The following SMYD3 variants were observed in gnomAD, a reference collection of about 807,000 sequenced individuals.
SMYD3 encodes the protein histone-lysine N-methyltransferase SMYD3.
A neutral mutation model predicts 57.7 loss-of-function variants in SMYD3; 36 were observed. The observed-to-expected ratio is 0.62, with a 90% CI of 0.48 to 0.82. SMYD3 has a LOEUF of 0.82. Among genes scored for constraint, SMYD3 ranks in the 40% least tolerant of loss-of-function variants. The probability of loss-of-function intolerance (pLI) is 0.00; values close to 1 mark genes in which losing one functional copy is unlikely to be tolerated. For missense variants in SMYD3, 515 were observed against 538.8 expected (o/e 0.96, Z 0.44); for synonymous variants, 211 against 195.0 (o/e 1.08, Z -0.68).
chr1:246,265,746 T>C (rs2064094192), intron 5 of SMYD3, among the ~76,000 whole-genome samples: 1 of 152,234 alleles, frequency 6.6e-6, no homozygotes, highest in South Asian at 2.1e-4. Flanking sequence ...TGTATGAGCC[T>C]TCTCCTGTGA....
At chr1:246,425,612 G>C (rs150452717) in intron 1 of SMYD3, among the ~76,000 whole-genome samples, 14 of 152,286 alleles carry the variant, frequency 9.2e-5, no homozygotes, top group African/African-American at 2.6e-4. Flanking sequence ...AGATAACTAT[G>C]AGGTAGATTC....
At chr1:245,927,679 T>C (rs997965498) in intron 7 of SMYD3, among the ~76,000 whole-genome samples, 1 of 152,134 alleles carries the variant, frequency 6.6e-6, no homozygotes, top group Non-Finnish European at 1.5e-5. Flanking sequence ...CTCCTCTCTC[T>C]CTCACACACA....
intron 5 of SMYD3, among the ~76,000 whole-genome samples, chr1:246,128,357 G>C (rs1038995031): frequency 4.6e-5 from 7 of 152,188 alleles, no homozygotes; most frequent in Non-Finnish European, 8.8e-5. Context: ...TCTATGAGGG[G>C]AGGAACTGTT....
chr1:246,031,134 T>C (rs1377980391), intron 5 of SMYD3, among the ~76,000 whole-genome samples: 1 of 152,172 alleles, frequency 6.6e-6, no homozygotes, highest in East Asian at 1.9e-4. Flanking sequence ...GACTAGACCT[T>C]TTATCTGTAT....
At chr1:246,434,938 G>T (rs1000612546) in intron 1 of SMYD3, among the ~76,000 whole-genome samples, 2 of 152,090 alleles carry the variant, frequency 1.3e-5, no homozygotes, top group Admixed American at 1.3e-4. Context: ...AAAACATGGG[G>T]TGTGTGTGGA....
intron 1 of SMYD3, among the ~76,000 whole-genome samples, chr1:246,361,311 A>T (rs2065983240): frequency 6.6e-6 from 1 of 152,210 alleles, no homozygotes; most frequent in African/African-American, 2.4e-5. Context: ...ACGTAGGCAC[A>T]GATGCAGTGA....
intron 5 of SMYD3, among the ~76,000 whole-genome samples, chr1:246,234,532 C>T (rs547851912): frequency 7.0e-4 from 107 of 152,232 alleles, no homozygotes; most frequent in Non-Finnish European, 1.3e-3. Flanking sequence ...GAATATACAC[C>T]GTATAGAGGA....
In SMYD3 at chr1:245,858,487, G is replaced by C; in HGVS notation, c.1076+9C>G. ...TAGCCCTTATGTCAGCCCTCTCCCT[G>C]GGACTTGCCTGTATGGCTCCATGGT... On this transcript the variant is annotated intron_variant, in intron 10 of 11. Transcript: ENST00000490107. 1 of 1,611,186 alleles carries C rather than the reference G, an allele frequency of 6.2e-7. No individual in the cohort carries two copies. Among genetic ancestry groups the C allele is most frequent in the Middle Eastern group, 1.7e-4 (1 of 5,902 alleles).
intron 5 of SMYD3, among the ~76,000 whole-genome samples, chr1:246,215,849 G>A (rs1465636955): frequency 1.3e-5 from 2 of 152,156 alleles, no homozygotes; most frequent in Non-Finnish European, 1.5e-5. Context: ...CTATTTGGAG[G>A]AAAGTCAGTG....
intron 5 of SMYD3, among the ~76,000 whole-genome samples, chr1:246,286,928 G>A (rs2064580043): frequency 6.6e-6 from 1 of 150,470 alleles, no homozygotes; most frequent in Non-Finnish European, 1.5e-5. Flanking sequence ...TTGGAGTGCA[G>A]TGACGGAATC....
chr1:246,092,534 G>A (rs1188633970), intron 5 of SMYD3, among the ~76,000 whole-genome samples: 54 of 152,100 alleles, frequency 3.6e-4, no homozygotes, highest in Admixed American at 3.5e-3. Context: ...ATCAATAAAC[G>A]GTGCTGAGAA....
intron 5 of SMYD3, among the ~76,000 whole-genome samples, chr1:246,222,094 T>C (rs2063264597): frequency 6.6e-6 from 1 of 152,164 alleles, no homozygotes; most frequent in African/African-American, 2.4e-5. Flanking sequence ...GGTGTAAAAC[T>C]CATTCTCAGA....
intron 5 of SMYD3, among the ~76,000 whole-genome samples, chr1:245,994,779 A>G (rs1320496548): frequency 6.6e-6 from 1 of 151,824 alleles, no homozygotes; most frequent in Admixed American, 6.6e-5. Context: ...GAGACTGAGA[A>G]AGTAAGAGAT....
At chr1:246,321,047 T>A (rs1011554046) in intron 5 of SMYD3, among the ~76,000 whole-genome samples, 2 of 152,242 alleles carry the variant, frequency 1.3e-5, no homozygotes, top group Non-Finnish European at 2.9e-5. Context: ...CAACAGTACA[T>A]GATTTCTGTC....
chr1:246,356,295 C>A (rs748254901), intron 1 of SMYD3, among the ~76,000 whole-genome samples: 1 of 152,142 alleles, frequency 6.6e-6, no homozygotes, highest in Non-Finnish European at 1.5e-5. Flanking sequence ...ATCTGAACAG[C>A]AGCCCTTGAG....
chr1:246,324,330 G>C (rs973767509), intron 5 of SMYD3, among the ~76,000 whole-genome samples: 5 of 150,236 alleles, frequency 3.3e-5, no homozygotes, highest in Non-Finnish European at 7.4e-5. Flanking sequence ...CAGCAGAATC[G>C]CTTGAACCCG....
chr1:245,846,238 G>A (rs746765086), intron 10 of SMYD3, among the ~76,000 whole-genome samples: 3 of 152,218 alleles, frequency 2.0e-5, no homozygotes, highest in Non-Finnish European at 4.4e-5. Flanking sequence ...GGAGCCAGAC[G>A]TCAGTCCGAC....
At chr1:246,003,361 T>C (rs1165854537) in intron 5 of SMYD3, among the ~76,000 whole-genome samples, 2 of 152,200 alleles carry the variant, frequency 1.3e-5, no homozygotes, top group Non-Finnish European at 2.9e-5. Flanking sequence ...TATCATGACC[T>C]AATCAAACTC....
At chr1:246,099,340 C>T (rs1420256096) in intron 5 of SMYD3, among the ~76,000 whole-genome samples, 2 of 152,126 alleles carry the variant, frequency 1.3e-5, no homozygotes, top group Non-Finnish European at 2.9e-5. Context: ...TTCCATGGGA[C>T]GCTTGAATAA....
Sources: allele counts gnomAD v4.1 joint callset (sites outside exome capture counted in the v4.1 genomes callset), GRCh38; gene constraint gnomAD v4.1.1; transcripts MANE v1.5; gene names NCBI Gene and HGNC (gene_info 2026-07-23, HGNC 2026-07-21).